The following COG5 variants were observed in gnomAD, a reference collection of about 807,000 sequenced individuals.
The protein encoded by COG5 is component of oligomeric golgi complex 5, also known as conserved oligomeric Golgi complex subunit 5.
COG5 carries 86 observed loss-of-function variants against 110.4 expected under a neutral mutation model. The observed-to-expected ratio is 0.78, with a 90% CI of 0.65 to 0.93. The LOEUF (loss-of-function observed/expected upper bound fraction) is 0.93, where lower values mean the gene tolerates loss of function less well. COG5 is among the 40% of genes least tolerant of loss of function. The probability of loss-of-function intolerance (pLI) is 0.00; values close to 1 mark genes in which losing one functional copy is unlikely to be tolerated. For synonymous variants in COG5, 360 were observed against 334.6 expected, an observed-to-expected ratio of 1.08 and a Z score of -0.83; for missense variants, 1,077 against 987.0, an observed-to-expected ratio of 1.09 and a Z score of -1.22.
At chr7:107,506,230 TG>T (rs1798986095) in intron 6 of COG5, among the ~76,000 whole-genome samples, 1 of 152,128 alleles carries the variant, frequency 6.6e-6, no homozygotes, top group Non-Finnish European at 1.5e-5. Flanking sequence ...AGCCAGGAAA[TG>T]ATGTGTGCAA....
chr7:107,422,693 A>C (rs1337684307), intron 6 of COG5, among the ~76,000 whole-genome samples: 3 of 151,246 alleles, frequency 2.0e-5, no homozygotes, highest in Admixed American at 1.3e-4. Flanking sequence ...TGAAACTTAA[A>C]AAAAAAAAAA....
chr7:107,491,790 T>C (rs908000724), intron 6 of COG5, among the ~76,000 whole-genome samples: 1 of 152,082 alleles, frequency 6.6e-6, no homozygotes, highest in Non-Finnish European at 1.5e-5. Context: ...CCATGAGAAA[T>C]TTCCTGCTCA....
At chr7:107,421,812 G>A (rs748439607) in intron 6 of COG5, among the ~76,000 whole-genome samples, 19 of 151,890 alleles carry the variant, frequency 1.3e-4, no homozygotes, top group Non-Finnish European at 2.1e-4. Context: ...ATCAAATTAG[G>A]AAATTTTCTA....
At chr7:107,377,195 G>A (rs1233107436) in intron 7 of COG5, among the ~76,000 whole-genome samples, 3 of 151,956 alleles carry the variant, frequency 2.0e-5, no homozygotes, top group Non-Finnish European at 4.4e-5. Context: ...AAGCTGATTG[G>A]CCTTGGAGTT....
At chr7:107,295,101 A>ATATATT (rs1289733590) in intron 12 of COG5, among the ~76,000 whole-genome samples, 2 of 45,536 alleles carry the variant, frequency 4.4e-5, no homozygotes, top group African/African-American at 1.7e-4. Context: ...ATATATATAT[A>ATATATT]TTTTTTTTTT....
chr7:107,325,117 G>T (rs1809652033), intron 10 of COG5, among the ~76,000 whole-genome samples: 1 of 152,130 alleles, frequency 6.6e-6, no homozygotes, highest in East Asian at 1.9e-4. Context: ...AGTTTAGCAT[G>T]ATACTTTCAA....
chr7:107,253,171 G>A (rs1036123782), intron 16 of COG5: 7 of 152,096 alleles, frequency 4.6e-5, no homozygotes, highest in Non-Finnish European at 8.8e-5. Flanking sequence ...GGTTTACATA[G>A]AAAACTTTAT....
chr7:107,541,864 C>T (rs1044343856), intron 5 of COG5, among the ~76,000 whole-genome samples: 6 of 145,878 alleles, frequency 4.1e-5, no homozygotes, highest in Non-Finnish European at 9.0e-5. Flanking sequence ...CCAGGAGGCG[C>T]GGTTGCAGTG....
At chr7:107,450,671 T>C (rs1238531313) in intron 6 of COG5, among the ~76,000 whole-genome samples, 1 of 152,156 alleles carries the variant, frequency 6.6e-6, no homozygotes, top group Non-Finnish European at 1.5e-5. Context: ...GCAAATGCAG[T>C]TGGGCTTATG....
At chr7:107,266,085 C>T (rs1218509628) in intron 14 of COG5, among the ~76,000 whole-genome samples, 1 of 151,938 alleles carries the variant, frequency 6.6e-6, no homozygotes, top group African/African-American at 2.4e-5. Flanking sequence ...AATACACACA[C>T]ACGTGTGTGT....
chr7:107,257,836 T>C (rs141971940), intron 15 of COG5, among the ~76,000 whole-genome samples: 5 of 152,268 alleles, frequency 3.3e-5, no homozygotes, highest in African/African-American at 1.2e-4. Context: ...AAATTCAGTT[T>C]TGAATACAGC....
chr7:107,222,538 C>A (rs1361687454), intron 19 of COG5, among the ~76,000 whole-genome samples: 1 of 152,168 alleles, frequency 6.6e-6, no homozygotes, highest in Non-Finnish European at 1.5e-5. Context: ...GTCAAAAAAT[C>A]CATGAAAAGC....
rs560257346 is a variant in COG5 at position 107,234,573 on chromosome 7, C to T, written c.2091+1877G>A. On this transcript the variant is annotated intron_variant, in intron 18 of 21. Coordinates refer to ENST00000297135, the MANE Select transcript of COG5 (RefSeq NM_006348.5). ...ACAAGCCTCTCTCCTACAGCACTCTCGTTTTGGCCATCTCCTGCTCGGCTG... is the reference window on the plus strand; with the variant it reads ...ACAAGCCTCTCTCCTACAGCACTCTTGTTTTGGCCATCTCCTGCTCGGCTG... Among the ~76,000 whole-genome samples, 6 of 152,220 alleles carry T rather than the reference C, an allele frequency of 3.9e-5. No individual in the cohort carries two copies. In the South Asian group the frequency reaches 6.2e-4, roughly 16 times the overall value.
Position 107,258,278 on chromosome 7 carries a change from T to C in COG5, c.1681A>G (p.Thr561Ala), listed in dbSNP as rs752109703. Residue 561 changes from threonine to alanine, a missense_variant, in exon 15 of 22, where the codon ACA (threonine) becomes GCA (alanine). By Grantham distance (58) the Thr-to-Ala change is moderately conservative. Coordinates refer to ENST00000297135, the MANE Select transcript of COG5 (RefSeq NM_006348.5). ...AAACTTAATAAAATAGTTACCTTTGTTACTGATTGGTGCAACTTATACAAT... is the reference window on the plus strand; with the variant it reads ...AAACTTAATAAAATAGTTACCTTTGCTACTGATTGGTGCAACTTATACAAT... ...NSLYKLHQSV[T>A]KVVSSQSSFP... The C allele has an allele frequency of 2.2e-5, 35 of 1,586,532 alleles. No individual in the cohort carries two copies. In the South Asian group the frequency reaches 3.5e-4, roughly 16 times the overall value.
intron 14 of COG5, among the ~76,000 whole-genome samples, chr7:107,265,581 T>C (rs961616627): frequency 6.6e-6 from 1 of 152,208 alleles, no homozygotes; most frequent in African/African-American, 2.4e-5. Flanking sequence ...TTTTTATTCA[T>C]GTTTATTTTT....
At chr7:107,405,831 C>T (rs1050516967) in intron 7 of COG5, among the ~76,000 whole-genome samples, 3 of 152,086 alleles carry the variant, frequency 2.0e-5, no homozygotes, top group Admixed American at 6.6e-5. Flanking sequence ...GGGATTCATG[C>T]CCTTATAAAA....
At chr7:107,464,611 G>A (rs575303887) in intron 6 of COG5, among the ~76,000 whole-genome samples, 1 of 152,238 alleles carries the variant, frequency 6.6e-6, no homozygotes, top group Admixed American at 6.5e-5. Flanking sequence ...TCATATGCTT[G>A]TAGCCAAAAA....
chr7:107,521,921 C>T (rs896045876), intron 6 of COG5, among the ~76,000 whole-genome samples: 1 of 151,658 alleles, frequency 6.6e-6, no homozygotes, highest in Non-Finnish European at 1.5e-5. Flanking sequence ...AGAAAATGTG[C>T]TACACACACC....
At chr7:107,409,722 C>A (rs1048435669) in intron 7 of COG5, among the ~76,000 whole-genome samples, 1 of 152,050 alleles carries the variant, frequency 6.6e-6, no homozygotes, top group Non-Finnish European at 1.5e-5. Flanking sequence ...GTGGAATTAG[C>A]CTTAAATAGG....
Sources: gnomAD v4.1 joint callset for allele counts (sites outside exome capture counted in the v4.1 genomes callset) on GRCh38, gnomAD v4.1.1 for gene constraint, MANE v1.5 for transcripts, NCBI Gene and HGNC (gene_info 2026-07-23, HGNC 2026-07-21) for gene names.